The following DEUP1 variants were observed in gnomAD, a reference collection of about 807,000 sequenced individuals.
The protein encoded by DEUP1 is coiled-coil domain containing 67.
DEUP1 carries 82 observed loss-of-function variants against 87.4 expected under a neutral mutation model. That is an observed-to-expected ratio of 0.94 (90% confidence interval 0.78 to 1.13). The LOEUF (loss-of-function observed/expected upper bound fraction) is 1.13. DEUP1 is among the 50% of genes most tolerant of loss of function. The pLI is 0.00. For synonymous variants in DEUP1, 214 were observed against 222.7 expected, an observed-to-expected ratio of 0.96 and a Z score of 0.35; for missense variants, 663 against 681.5, an observed-to-expected ratio of 0.97 and a Z score of 0.30.
chr11:93,399,084 T>G (rs1947033010), intron 11 of DEUP1, among the ~76,000 whole-genome samples: 1 of 152,164 alleles, frequency 6.6e-6, no homozygotes, highest in Non-Finnish European at 1.5e-5. Flanking sequence ...TTATGACTTT[T>G]TTTGGCCATG....
intron 2 of DEUP1, among the ~76,000 whole-genome samples, chr11:93,341,582 G>A (rs1404267412): frequency 6.6e-6 from 1 of 152,084 alleles, no homozygotes; most frequent in Non-Finnish European, 1.5e-5. Context: ...GTCTTGGAGG[G>A]TCTATTGAGT....
chr11:93,383,087 ATTC>A (rs1190030837), intron 7 of DEUP1, among the ~76,000 whole-genome samples: 20 of 152,238 alleles, frequency 1.3e-4, no homozygotes, highest in African/African-American at 2.4e-5. Flanking sequence ...CTATACAATT[ATTC>A]TTCTAGGCTT....
intron 13 of DEUP1, among the ~76,000 whole-genome samples, chr11:93,428,232 T>C (rs1400018639): frequency 1.3e-5 from 2 of 152,108 alleles, no homozygotes; most frequent in African/African-American, 4.8e-5. Flanking sequence ...TAAGAAAATG[T>C]GGCACATGTA....
intron 8 of DEUP1, among the ~76,000 whole-genome samples, chr11:93,387,063 C>A (rs1436538896): frequency 6.6e-6 from 1 of 152,116 alleles, no homozygotes; most frequent in Non-Finnish European, 1.5e-5. Context: ...TGTTTACCAT[C>A]CTCTATTTAA....
intron 13 of DEUP1, among the ~76,000 whole-genome samples, chr11:93,432,617 T>C (rs1188431165): frequency 6.6e-6 from 1 of 152,044 alleles, no homozygotes. Context: ...ACCAGGTTAT[T>C]AGGATAGAGA....
At chr11:93,338,559 A>T (rs1402209171) in intron 2 of DEUP1, among the ~76,000 whole-genome samples, 1 of 151,660 alleles carries the variant, frequency 6.6e-6, no homozygotes. Context: ...CACCACCAAG[A>T]CTGGCAATCT....
At chr11:93,358,770 A>G (rs1343282584) in intron 4 of DEUP1, among the ~76,000 whole-genome samples, 1 of 152,070 alleles carries the variant, frequency 6.6e-6, no homozygotes, top group East Asian at 1.9e-4. Context: ...TTTAATAGAG[A>G]TGGTGTTTCG....
intron 7 of DEUP1, among the ~76,000 whole-genome samples, chr11:93,375,807 T>C (rs1946008762): frequency 6.6e-6 from 1 of 152,186 alleles, no homozygotes; most frequent in South Asian, 2.1e-4. Flanking sequence ...ACAGAATGAT[T>C]GAAGGTAGGA....
chr11:93,392,839 T>C (rs143588664), intron 9 of DEUP1, among the ~76,000 whole-genome samples: 1 of 152,244 alleles, frequency 6.6e-6, no homozygotes, highest in East Asian at 1.9e-4. Context: ...AGCTAACTCC[T>C]AGCTACCCTA....
At chr11:93,400,251 G>A (rs1047027264) in intron 11 of DEUP1, among the ~76,000 whole-genome samples, 1 of 152,136 alleles carries the variant, frequency 6.6e-6, no homozygotes, top group Non-Finnish European at 1.5e-5. Flanking sequence ...CTAGAGGCTT[G>A]AAGTCCAAAT....
At chr11:93,338,787 T>A (rs76253814) in intron 2 of DEUP1, among the ~76,000 whole-genome samples, 2,040 of 152,040 alleles carry the variant, frequency 0.013, 50 homozygotes, top group African/African-American at 0.047. Flanking sequence ...AACAGGGAAA[T>A]AAAATATAAA....
chr11:93,356,444 T>C (rs763720923), intron 3 of DEUP1, among the ~76,000 whole-genome samples: 1 of 152,214 alleles, frequency 6.6e-6, no homozygotes, highest in African/African-American at 2.4e-5. Context: ...AACAAGTGCC[T>C]CATCTGCCTT....
chr11:93,428,418 G>A (rs1456559393), intron 13 of DEUP1, among the ~76,000 whole-genome samples: 2 of 151,212 alleles, frequency 1.3e-5, no homozygotes, highest in African/African-American at 4.9e-5. Flanking sequence ...ACACAGGAAA[G>A]GGAACATCAC....
At chr11:93,380,567 T>A (rs77476913) in intron 7 of DEUP1, among the ~76,000 whole-genome samples, 4 of 148,258 alleles carry the variant, frequency 2.7e-5, no homozygotes, top group African/African-American at 9.9e-5. Flanking sequence ...TGCTCGGCTA[T>A]TTTTTTTTTG....
chr11:93,416,017 A>G (rs1947610306), intron 13 of DEUP1, among the ~76,000 whole-genome samples: 1 of 152,186 alleles, frequency 6.6e-6, no homozygotes, highest in South Asian at 2.1e-4. Flanking sequence ...CATACCTAAA[A>G]TGGAATACCG....
At chr11:93,341,837 G>A (rs1001344036) in intron 2 of DEUP1, among the ~76,000 whole-genome samples, 3 of 152,158 alleles carry the variant, frequency 2.0e-5, no homozygotes, top group African/African-American at 7.2e-5. Context: ...CCCAAAATCA[G>A]TATCAATGGG....
At chr11:93,385,706 C>A (rs1946512114) in intron 8 of DEUP1, among the ~76,000 whole-genome samples, 163 bp downstream of exon 8, 1 of 152,046 alleles carries the variant, frequency 6.6e-6, no homozygotes, top group East Asian at 1.9e-4. Context: ...ATGGTTATTT[C>A]ATTTTCAAAA....
chr11:93,431,540 C>T (rs999719996), intron 13 of DEUP1, among the ~76,000 whole-genome samples: 6 of 152,134 alleles, frequency 3.9e-5, no homozygotes, highest in African/African-American at 1.2e-4. Context: ...AAATACTGGT[C>T]TGTTTACTCC....
chr11:93,427,193 C>G (rs1326779116), intron 13 of DEUP1, among the ~76,000 whole-genome samples: 1 of 150,354 alleles, frequency 6.7e-6, no homozygotes, highest in Admixed American at 6.7e-5. Context: ...AAGAACAAAG[C>G]TGGAGGCATC....
Sources: allele counts gnomAD v4.1 joint callset (sites outside exome capture counted in the v4.1 genomes callset), GRCh38; gene constraint gnomAD v4.1.1; transcripts MANE v1.5; gene names NCBI Gene and HGNC (gene_info 2026-07-23, HGNC 2026-07-21).